PCDHA1: variants seen among roughly 807,000 people sequenced by gnomAD.
PCDHA1 encodes the protein protocadherin alpha-1.
PCDHA1 carries 42 observed loss-of-function variants against 61.3 expected under a neutral mutation model. The observed-to-expected ratio is 0.69, with a 90% confidence interval of 0.54 to 0.89. The LOEUF is 0.89. PCDHA1 is among the 40% of genes least tolerant of loss of function. PCDHA1 has a pLI of 0.00. For missense variants in PCDHA1, 1,256 were observed against 1,235.3 expected, an observed-to-expected ratio of 1.02 and a Z score of -0.25; for synonymous variants, 610 against 553.8, an observed-to-expected ratio of 1.10 and a Z score of -1.43.
chr5:140,968,866 A>C, intron 1 of PCDHA1: 1 of 1,614,230 alleles, frequency 6.2e-7, no homozygotes, highest in Non-Finnish European at 8.5e-7. Context: ...GCCCTCGGAC[A>C]TACTCTGAAA....
chr5:140,994,954 T>C (rs2097657181), intron 3 of PCDHA1, among the ~76,000 whole-genome samples: 1 of 152,230 alleles, frequency 6.6e-6, no homozygotes, highest in Non-Finnish European at 1.5e-5. Flanking sequence ...AAATAATTTG[T>C]AGTTTCATTT....
chr5:140,796,384 A>T (rs782256152), intron 1 of PCDHA1: 4 of 1,613,562 alleles, frequency 2.5e-6, no homozygotes, highest in Non-Finnish European at 3.4e-6. Flanking sequence ...GGGCTGCCAC[A>T]TCTTCACGGT....
chr5:140,829,207 T>C, intron 1 of PCDHA1: 2 of 1,614,192 alleles, frequency 1.2e-6, no homozygotes, highest in Non-Finnish European at 1.7e-6. Flanking sequence ...TCGCCCTAAT[T>C]AGCGTGAACG....
chr5:140,869,014 T>C (rs929309556), intron 1 of PCDHA1: 5 of 1,524,414 alleles, frequency 3.3e-6, no homozygotes, highest in Admixed American at 2.2e-5. Flanking sequence ...TGAAACTTCT[T>C]AAGAATTCAA....
At chr5:140,801,102 A>T in intron 1 of PCDHA1, 1 of 1,504,906 alleles carries the variant, frequency 6.6e-7, no homozygotes. Flanking sequence ...CTAAAATTTA[A>T]CACCGAGGAG....
At chr5:140,875,636 A>G (rs574545388) in intron 1 of PCDHA1, 3 of 1,613,606 alleles carry the variant, frequency 1.9e-6, no homozygotes, top group African/African-American at 1.3e-5. Context: ...CTGGGGCTGG[A>G]GCTGGCGGAG....
At chr5:140,838,792 C>T (rs185646460) in intron 1 of PCDHA1, among the ~76,000 whole-genome samples, 1,842 of 152,048 alleles carry the variant, frequency 0.012, 29 homozygotes, top group Non-Finnish European at 0.019. Flanking sequence ...CATGGTGATG[C>T]ATGTCTGTAG....
chr5:140,947,645 A>G (rs1373528004), intron 1 of PCDHA1, among the ~76,000 whole-genome samples: 2 of 151,670 alleles, frequency 1.3e-5, no homozygotes, highest in African/African-American at 2.4e-5. Flanking sequence ...GTATGAACAT[A>G]TATACCTCCA....
chr5:140,823,897 A>G (rs2150130123), intron 1 of PCDHA1: 1 of 1,613,954 alleles, frequency 6.2e-7, no homozygotes, highest in Admixed American at 1.7e-5. Flanking sequence ...TGCGGTGTCC[A>G]GCCTGCTGGT....
intron 1 of PCDHA1, among the ~76,000 whole-genome samples, chr5:140,899,002 G>T (rs1265936919): frequency 7.2e-4 from 110 of 151,880 alleles, no homozygotes; most frequent in African/African-American, 2.6e-3. Context: ...GTCTGTTATT[G>T]GTGTATAAGA....
chr5:140,796,002 C>A, intron 1 of PCDHA1: 1 of 1,614,142 alleles, frequency 6.2e-7, no homozygotes, highest in Non-Finnish European at 8.5e-7. Flanking sequence ...TCAATGATAA[C>A]ACACCAGAAG....
At chr5:140,967,548 C>T (rs782750678) in intron 1 of PCDHA1, 15 of 1,613,922 alleles carry the variant, frequency 9.3e-6, no homozygotes, top group Non-Finnish European at 1.3e-5. Context: ...GACCAGTCCA[C>T]TTATCGCGTC....
chr5:140,980,259 G>T (rs1200649581), intron 2 of PCDHA1, among the ~76,000 whole-genome samples: 1 of 152,192 alleles, frequency 6.6e-6, no homozygotes. Flanking sequence ...TAAAAGCATG[G>T]TTTACAGTAC....
chr5:140,964,785 C>T (rs890090665), intron 1 of PCDHA1, among the ~76,000 whole-genome samples: 2 of 151,408 alleles, frequency 1.3e-5, no homozygotes, highest in East Asian at 3.9e-4. Context: ...GAGGAAGAAG[C>T]CAGAGACCCA....
chr5:140,828,194 G>C, intron 1 of PCDHA1: 1 of 1,614,066 alleles, frequency 6.2e-7, no homozygotes, highest in Non-Finnish European at 8.5e-7. Flanking sequence ...CCACTACTCC[G>C]TACCCGAGGA....
chr5:140,979,573 G>T lies in PCDHA1; in HGVS notation c.2453+566G>T, dbSNP rs558232107. Among the ~76,000 whole-genome samples, 224 of 152,236 alleles carry T rather than the reference G, an allele frequency of 1.5e-3. 1 individual carries two copies. Among genetic ancestry groups the T allele is most frequent in the African/African-American group, 5.2e-3 (215 of 41,538 alleles). On this transcript the variant is annotated intron_variant, in intron 2 of 3. Transcript: ENST00000504120. ...CTTCAGAAGATGAGCCATGTAAAGG[G>T]CTCCAAATCTAGCTTACTTTAAATT...
chr5:140,859,311 T>C (rs1441323923), intron 1 of PCDHA1: 1 of 128,808 alleles, frequency 7.8e-6, no homozygotes, highest in Non-Finnish European at 1.8e-5. Flanking sequence ...GAATTAATAT[T>C]AAAAGTTTGA....
At chr5:140,809,609 T>G in intron 1 of PCDHA1, 2 of 1,521,434 alleles carry the variant, frequency 1.3e-6, no homozygotes, top group Non-Finnish European at 1.8e-6. Flanking sequence ...ATTTTCGTAT[T>G]GTTTTTCTCT....
chr5:140,904,189 C>G (rs1436545458), intron 1 of PCDHA1, among the ~76,000 whole-genome samples: 1 of 151,968 alleles, frequency 6.6e-6, no homozygotes, highest in Non-Finnish European at 1.5e-5. Context: ...CCCCTTCCCA[C>G]CCTTTCCCCC....
Sources: gnomAD v4.1 joint callset for allele counts (sites outside exome capture counted in the v4.1 genomes callset) on GRCh38, gnomAD v4.1.1 for gene constraint, MANE v1.5 for transcripts, NCBI Gene and HGNC (gene_info 2026-07-23, HGNC 2026-07-21) for gene names.